The following VAPB variants were observed in gnomAD, a reference collection of about 807,000 sequenced individuals.
VAPB encodes vesicle-associated membrane protein-associated protein B/C.
A neutral mutation model predicts 25.6 loss-of-function variants in VAPB; 7 were observed. The ratio of observed to expected loss-of-function variants is 0.27; its 90% CI spans 0.16 to 0.51. The LOEUF is 0.51. Ranked by LOEUF, VAPB falls within the 20% of genes least tolerant of loss-of-function variation. VAPB has a pLI of 0.97. For synonymous variants in VAPB, 112 were observed against 109.2 expected (o/e 1.03, Z -0.16); for missense variants, 266 against 301.3 (o/e 0.88, Z 0.87).
At chr20:58,406,991 G>A (rs1440765799) in intron 1 of VAPB, among the ~76,000 whole-genome samples, 1 of 152,022 alleles carries the variant, frequency 6.6e-6, no homozygotes, top group Non-Finnish European at 1.5e-5. Flanking sequence ...TTAGTCAATG[G>A]GATAAAGAAT....
At chr20:58,394,943 A>G (rs1020432560) in intron 1 of VAPB, among the ~76,000 whole-genome samples, 1 of 152,224 alleles carries the variant, frequency 6.6e-6, no homozygotes, top group Admixed American at 6.5e-5. Flanking sequence ...ACTATCTTGT[A>G]TTTATTAAAA....
intron 1 of VAPB, chr20:58,390,245 G>T (rs1040728793): frequency 1.3e-5 from 2 of 152,346 alleles, no homozygotes; most frequent in Admixed American, 6.5e-5. Flanking sequence ...AGGCTGCCAC[G>T]GTGCTGGGAT....
chr20:58,448,465 C>G lies in VAPB; in HGVS notation c.*4230C>G, dbSNP rs1989349935. Reference sequence around the variant, plus strand: ...CGCTCATTGAACTTAATCCTTGCAACTGTGACTGGGGGGTAGATGGCTCTG... The same window carrying G: ...CGCTCATTGAACTTAATCCTTGCAAGTGTGACTGGGGGGTAGATGGCTCTG... On this transcript the variant is annotated 3_prime_UTR_variant, in exon 6 of 6. Transcript: ENST00000475243. The G allele has an allele frequency of 2.2e-6, 1 of 454,012 alleles. No individual in the cohort carries two copies. The highest frequency in any genetic ancestry group is 2.0e-5 in the African/African-American group (1 of 50,004). 28.1% of individuals were successfully genotyped at this position (454,012 alleles called of 1,614,324 possible). A position where few individuals can be genotyped will look rare whatever the true frequency, so the allele number is the denominator to read the frequency against.
At chr20:58,417,014 T>C (rs895765057) in intron 1 of VAPB, among the ~76,000 whole-genome samples, 6 of 152,234 alleles carry the variant, frequency 3.9e-5, no homozygotes, top group Non-Finnish European at 8.8e-5. Context: ...GAGTCAACAT[T>C]ACGTATTTGT....
intron 2 of VAPB, among the ~76,000 whole-genome samples, chr20:58,426,047 C>A (rs1391979868): frequency 1.3e-5 from 2 of 152,050 alleles, no homozygotes; most frequent in African/African-American, 2.4e-5. Context: ...TGTGTGCCAC[C>A]ATGCCCAGCT....
rs900757519 is a variant in VAPB at position 58,448,984 on chromosome 20, C to A, written c.*4749C>A. 2 of 454,090 alleles carry A rather than the reference C, an allele frequency of 4.4e-6. No individual in the cohort carries two copies. Among genetic ancestry groups the A allele is most frequent in the Admixed American group, 4.7e-5 (2 of 42,578 alleles). The allele number at this position is 454,090 out of a possible 1,614,324, so 28.1% of individuals were successfully genotyped here. On this transcript the variant is annotated 3_prime_UTR_variant, in exon 6 of 6. Transcript: ENST00000475243. ...GATTAAAATTGGTATTACAGAAGGG[C>A]CCTGCTGAGGTTTGAAAACAGCTGA...
At position 58,426,060 on chromosome 20, in the gene VAPB, A is replaced by T. The variant is rs545271993; in HGVS notation, c.211+7697A>T. Among the ~76,000 whole-genome samples, 358 of 151,592 alleles carry T rather than the reference A, an allele frequency of 2.4e-3. 1 individual carries two copies. Among genetic ancestry groups the T allele is most frequent in the Non-Finnish European group, 4.6e-3 (314 of 67,850 alleles). ...GGTGTGTGCCACCATGCCCAGCTAA[A>T]TTTTTTGTATTTTTAGTTAGGGATG... On this transcript the variant is annotated intron_variant, in intron 2 of 5. Coordinates refer to ENST00000475243, the MANE Select transcript of VAPB (RefSeq NM_004738.5).
chr20:58,399,871 C>G (rs1988055041), intron 1 of VAPB, among the ~76,000 whole-genome samples: 1 of 152,186 alleles, frequency 6.6e-6, no homozygotes, highest in African/African-American at 2.4e-5. Flanking sequence ...CCACCCCACT[C>G]TCTGCTCCAA....
In VAPB at chr20:58,419,130, A is replaced by AAC. The variant is rs1474036154; in HGVS notation, c.211+768_211+769insCA. Reference sequence around the variant, plus strand: ...TGGGGGAGTGTGTATTTATCTTGTAAATATCAAGTGACTCAGTGTCACAGA... The same window carrying AAC: ...TGGGGGAGTGTGTATTTATCTTGTAAACATATCAAGTGACTCAGTGTCACAGA... On this transcript the variant is annotated intron_variant, in intron 2 of 5. Coordinates refer to ENST00000475243, the MANE Select transcript of VAPB (RefSeq NM_004738.5). Among the ~76,000 whole-genome samples, 3 of 152,194 alleles carry AAC rather than the reference A, an allele frequency of 2.0e-5. No homozygotes were observed. The East Asian group carries it at 5.8e-4, about 29-fold the overall frequency.
rs1478963107 is a variant in VAPB, at chr20:58,441,082, A to G, written c.572A>G (p.Lys191Arg). 1 of 1,613,786 alleles carries G rather than the reference A, an allele frequency of 6.2e-7. No homozygotes were observed. Among genetic ancestry groups the G allele is most frequent in the Non-Finnish European group, 8.5e-7 (1 of 1,179,828 alleles). ...QRLREENKQFKEEDGLRMRKT... is the reference protein window; with the variant it reads ...QRLREENKQFREEDGLRMRKT... ...CTACGGGAGGAGAACAAGCAGTTCAAGGTAATAGTTTATTTTCTGGTAATC... is the reference window on the plus strand; with the variant it reads ...CTACGGGAGGAGAACAAGCAGTTCAGGGTAATAGTTTATTTTCTGGTAATC... The change falls in exon 5 of 6, where the codon AAG becomes AGG. Residue 191 changes from lysine (K) to arginine (R), a missense_variant and splice_region_variant. Lys to Arg is a conservative substitution (Grantham distance 26). This residue lies in a region of VAPB where 136 missense variants were observed against 130.7 expected (regional missense o/e 1.04). Transcript: ENST00000475243.
rs753469880 is a variant in VAPB at position 58,448,762 on chromosome 20, C to G, written c.*4527C>G. Reference sequence around the variant, plus strand: ...ATGCTTTTTCTTTTTCTGTTGGAAACTGAACACACTACAGACAGTGAAAAA... The same window carrying G: ...ATGCTTTTTCTTTTTCTGTTGGAAAGTGAACACACTACAGACAGTGAAAAA... On this transcript the variant is annotated 3_prime_UTR_variant, in exon 6 of 6. Coordinates refer to ENST00000475243, the MANE Select transcript of VAPB (RefSeq NM_004738.5). The G allele has an allele frequency of 9.5e-5, 43 of 454,042 alleles. No individual in the cohort carries two copies. Among genetic ancestry groups the G allele is most frequent in the South Asian group, 4.3e-4 (28 of 64,474 alleles). The allele number at this position is 454,042 out of a possible 1,614,324, so 28.1% of individuals were successfully genotyped here. A position where few individuals can be genotyped will look rare whatever the true frequency, so the allele number is the denominator to read the frequency against.
chr20:58,448,480 A>T lies in VAPB; in HGVS notation c.*4245A>T, dbSNP rs1218885347. The T allele has an allele frequency of 6.6e-6, 3 of 453,974 alleles. No homozygotes were observed. The highest frequency in any genetic ancestry group is 6.0e-5 in the African/African-American group (3 of 50,000). The allele number at this position is 453,974 out of a possible 1,614,324, so 28.1% of individuals were successfully genotyped here. On this transcript the variant is annotated 3_prime_UTR_variant, in exon 6 of 6. Coordinates refer to ENST00000475243, the MANE Select transcript of VAPB (RefSeq NM_004738.5). ...ATCCTTGCAACTGTGACTGGGGGGT[A>T]GATGGCTCTGTTTGCATACGAAGAA...
chr20:58,419,404 C>T (rs1988620705), intron 2 of VAPB, among the ~76,000 whole-genome samples: 1 of 152,172 alleles, frequency 6.6e-6, no homozygotes, highest in Non-Finnish European at 1.5e-5. Context: ...CTTGAGTCTG[C>T]AAGACCTGAT....
At chr20:58,440,618 G>C in intron 4 of VAPB, 1 of 325,514 alleles carries the variant, frequency 3.1e-6, no homozygotes, top group Non-Finnish European at 5.9e-6. Flanking sequence ...TGATTTTTCC[G>C]TGGCAGGAAT....
chr20:58,446,347 G>A lies in VAPB; in HGVS notation c.*2112G>A, dbSNP rs773885461. 6.6e-6 allele frequency: 3 copies of A among 454,096 alleles called. No individual in the cohort carries two copies. The highest frequency in any genetic ancestry group is 1.3e-5 in the Non-Finnish European group (3 of 226,794). The allele number at this position is 454,096 out of a possible 1,614,324, so 28.1% of individuals were successfully genotyped here. Reference sequence around the variant, plus strand: ...GCCAGTTAAGTCCTGTAGCTTCCAGGCCCTCATGTCTTTGATAGGAGAGTG... The same window carrying A: ...GCCAGTTAAGTCCTGTAGCTTCCAGACCCTCATGTCTTTGATAGGAGAGTG... On this transcript the variant is annotated 3_prime_UTR_variant, in exon 6 of 6. Coordinates refer to ENST00000475243, the MANE Select transcript of VAPB (RefSeq NM_004738.5).
rs1292002714 is a variant in VAPB at position 58,451,033 on chromosome 20, G to A, written c.*6798G>A. 2.7e-5 allele frequency: 12 copies of A among 447,306 alleles called. No individual in the cohort carries two copies. The highest frequency in any genetic ancestry group is 1.4e-4 in the South Asian group (9 of 63,476). 27.7% of individuals were successfully genotyped at this position (447,306 alleles called of 1,614,324 possible). On this transcript the variant is annotated 3_prime_UTR_variant, in exon 6 of 6. Transcript: ENST00000475243. ...AGCCTGATGAAACCTGCCCTGCCAA[G>A]GCATAAACTTTTGTACTAGCTGTCT...
At chr20:58,393,575 T>TTTC (rs1987864900) in intron 1 of VAPB, among the ~76,000 whole-genome samples, 1 of 152,168 alleles carries the variant, frequency 6.6e-6, no homozygotes, top group Non-Finnish European at 1.5e-5. Context: ...TGAGAGTCCA[T>TTTC]CTGTGGTAAA....
chr20:58,423,414 C>CAAAAAAAAAAAAAAAAAAAAAAAAAAA lies in VAPB; in HGVS notation c.211+5060_211+5086dup, dbSNP rs59133081. On this transcript the variant is annotated intron_variant, in intron 2 of 5. Coordinates refer to ENST00000475243, the MANE Select transcript of VAPB (RefSeq NM_004738.5). ...GCAACAAGAGAGAAACTCCATCTCA[C>CAAAAAAAAAAAAAAAAAAAAAAAAAAA]AAAAAAAAAAAAAAAAAAAAAAAAA... Among the ~76,000 whole-genome samples, 10 of 34,764 alleles carry CAAAAAAAAAAAAAAAAAAAAAAAAAAA rather than the reference C, an allele frequency of 2.9e-4. 2 individuals carry two copies. The highest frequency in any genetic ancestry group is 1.2e-3 in the East Asian group (1 of 840). 22.8% of individuals were successfully genotyped at this position (34,764 alleles called of 152,430 possible). A position where few individuals can be genotyped will look rare whatever the true frequency, so the allele number is the denominator to read the frequency against.
chr20:58,439,918 CTAGCCATTAA>C (rs1989125556), intron 4 of VAPB: 1 of 152,206 alleles, frequency 6.6e-6, no homozygotes, highest in Admixed American at 6.5e-5. Context: ...TGAAACTATC[CTAGCCATTAA>C]TAGCTGGAGT....
Sources: allele counts gnomAD v4.1 joint callset (sites outside exome capture counted in the v4.1 genomes callset), GRCh38; gene constraint gnomAD v4.1.1; regional missense constraint gnomAD v4.1.1; transcripts MANE v1.5; gene names NCBI Gene and HGNC (gene_info 2026-07-23, HGNC 2026-07-21).